DPF2: variants seen among roughly 807,000 people sequenced by gnomAD.
DPF2 encodes the protein zinc finger protein ubi-d4.
DPF2 carries 10 observed loss-of-function variants against 59.6 expected under a neutral mutation model. That is an observed-to-expected ratio of 0.17 (90% CI 0.10 to 0.28). The LOEUF (loss-of-function observed/expected upper bound fraction) is 0.28, where lower values mean the gene tolerates loss of function less well. Among genes scored for constraint, DPF2 ranks in the 10% least tolerant of loss-of-function variants. DPF2 has a pLI of 1.00. For synonymous variants in DPF2, 189 were observed against 190.6 expected (o/e 0.99, Z 0.07); for missense variants, 315 against 509.4 (o/e 0.62, Z 3.67).
rs1196397460 is a variant in DPF2, at chr11:65,337,474, AATATATATATAT to A, written c.33-2891_33-2880del. On this transcript the variant is annotated intron_variant, in intron 1 of 10. Coordinates refer to ENST00000528416, the MANE Select transcript of DPF2 (RefSeq NM_006268.5). ...TCTCAAAAAAAAAAAAAAAAAAAAA[AATATATATATAT>A]ATATATATATATATATATAGAGAGA... Among the ~76,000 whole-genome samples, 286 of 46,458 alleles carry A rather than the reference AATATATATATAT, an allele frequency of 6.2e-3. 10 individuals are homozygous for A. The highest frequency in any genetic ancestry group is 0.013 in the Admixed American group (42 of 3,204). The allele number at this position is 46,458 out of a possible 152,430, so 30.5% of individuals were successfully genotyped here. A position where few individuals can be genotyped will look rare whatever the true frequency, so the allele number is the denominator to read the frequency against.
At chr11:65,351,294 T>G (rs1025342783) in intron 10 of DPF2, among the ~76,000 whole-genome samples, 3 of 152,162 alleles carry the variant, frequency 2.0e-5, no homozygotes, top group African/African-American at 7.2e-5. Context: ...ACCCAATTGT[T>G]TTTCATATAA....
chr11:65,340,427 C>A lies in DPF2; in HGVS notation c.75C>A (p.His25Gln). Residue 25 changes from histidine (H) to glutamine (Q), a missense_variant, in exon 2 of 11, where the codon CAC (histidine) becomes CAA (glutamine). His to Gln is a conservative substitution (Grantham distance 24, BLOSUM62 0). Around this residue, in one of 4 missense-constraint regions of DPF2, gnomAD observed 228 missense variants for 275.3 expected, o/e 0.83. Coordinates refer to ENST00000528416, the MANE Select transcript of DPF2 (RefSeq NM_006268.5). ...ACAAAGATGCCATGGAGCAGTGCCACAATTACAATGCTCGCCTCTGTGCTG... is the reference window on the plus strand; with the variant it reads ...ACAAAGATGCCATGGAGCAGTGCCAAAATTACAATGCTCGCCTCTGTGCTG... ...QYYKDAMEQC[H>Q]NYNARLCAER... The A allele has an allele frequency of 6.2e-7, 1 of 1,614,250 alleles. No individual in the cohort carries two copies.
At chr11:65,337,621 A>ATTTTT in intron 1 of DPF2, among the ~76,000 whole-genome samples, 1 of 148,684 alleles carries the variant, frequency 6.7e-6, no homozygotes, top group South Asian at 2.2e-4. Context: ...TTTTGTTTTA[A>ATTTTT]GAGACAGAGC....
In DPF2 at chr11:65,353,395, T is replaced by G. The variant is rs549208545; in HGVS notation, c.*1636T>G. 9.8e-5 allele frequency: 15 copies of G among 152,290 alleles called. No homozygotes were observed. Among genetic ancestry groups the G allele is most frequent in the African/African-American group, 3.6e-4 (15 of 41,526 alleles). The allele number at this position is 152,290 out of a possible 1,614,324, so 9.4% of individuals were successfully genotyped here. A position where few individuals can be genotyped will look rare whatever the true frequency, so the allele number is the denominator to read the frequency against. On this transcript the variant is annotated 3_prime_UTR_variant, in exon 11 of 11. Coordinates refer to ENST00000528416, the MANE Select transcript of DPF2 (RefSeq NM_006268.5). Reference sequence around the variant, plus strand: ...GACCAGAAGTTTATATAAATATAATTAATAAGCAAACTAATGACATCACCA... The same window carrying G: ...GACCAGAAGTTTATATAAATATAATGAATAAGCAAACTAATGACATCACCA...
intron 1 of DPF2, among the ~76,000 whole-genome samples, chr11:65,337,318 C>T (rs61895422): frequency 0.32 from 48,448 of 149,978 alleles, 8,719 homozygotes; most frequent in Admixed American, 0.42. Flanking sequence ...GGCGTGGTGG[C>T]GCATGCCACT....
At chr11:65,337,543 A>AGAGAGAGAGGGG (rs1449977686) in intron 1 of DPF2, among the ~76,000 whole-genome samples, 11 of 137,486 alleles carry the variant, frequency 8.0e-5, no homozygotes, top group African/African-American at 2.5e-4. Flanking sequence ...AGAGAGAGAG[A>AGAGAGAGAGGGG]GAGAACAATG....
chr11:65,333,878 A>G lies in DPF2; in HGVS notation c.-9A>G, dbSNP rs1411042072. ...GGGCTTCTCGGCCCGAGGCAGAGGA[A>G]CAGGGAAGATGGCGGCTGTGGTGGA... On this transcript the variant is annotated 5_prime_UTR_variant, in exon 1 of 11. Coordinates refer to ENST00000528416, the MANE Select transcript of DPF2 (RefSeq NM_006268.5). 2 of 1,613,724 alleles carry G rather than the reference A, an allele frequency of 1.2e-6. No individual in the cohort carries two copies. Among genetic ancestry groups the G allele is most frequent in the Non-Finnish European group, 1.7e-6 (2 of 1,179,810 alleles).
chr11:65,353,086 C>CT lies in DPF2; in HGVS notation c.*1333dup, dbSNP rs1049197870. On this transcript the variant is annotated 3_prime_UTR_variant, in exon 11 of 11. Coordinates refer to ENST00000528416, the MANE Select transcript of DPF2 (RefSeq NM_006268.5). The stretch of plus-strand genomic sequence containing the variant: ...TTTTTTTTAATGTTTTGAAATACAG[C>CT]TTTTTTCCCCCCAAATTAAAATTTT... 3 of 151,390 alleles carry CT rather than the reference C, an allele frequency of 2.0e-5. No homozygotes were observed. Among genetic ancestry groups the CT allele is most frequent in the South Asian group, 2.1e-4 (1 of 4,816 alleles). 9.4% of individuals were successfully genotyped at this position (151,390 alleles called of 1,614,324 possible).
At chr11:65,334,496 C>T (rs2137677102) in intron 1 of DPF2, among the ~76,000 whole-genome samples, 1 of 152,336 alleles carries the variant, frequency 6.6e-6, no homozygotes, top group South Asian at 2.1e-4. Context: ...AGGGAAGGAA[C>T]TTCAGGGGAG....
chr11:65,340,258 A>T, intron 1 of DPF2, 127 bp from the exon 2 acceptor site: 1 of 1,076,052 alleles, frequency 9.3e-7, no homozygotes, highest in Non-Finnish European at 1.3e-6. Context: ...GGAGGCAAAT[A>T]GAACGGAAGA....
At position 65,337,477 on chromosome 11, in the gene DPF2, AT is replaced by A. The variant is rs1565527357; in HGVS notation, c.33-2907del. Among the ~76,000 whole-genome samples, 200 of 33,850 alleles carry A rather than the reference AT, an allele frequency of 5.9e-3. 1 individual carries two copies. Among genetic ancestry groups the A allele is most frequent in the Non-Finnish European group, 7.7e-3 (152 of 19,642 alleles). The allele number at this position is 33,850 out of a possible 152,430, so 22.2% of individuals were successfully genotyped here. A position where few individuals can be genotyped will look rare whatever the true frequency, so the allele number is the denominator to read the frequency against. ...CAAAAAAAAAAAAAAAAAAAAAAAT[AT>A]ATATATATATATATATATATATATA... On this transcript the variant is annotated intron_variant, in intron 1 of 10. Transcript: ENST00000528416.
chr11:65,351,674 T>C lies in DPF2; in HGVS notation c.1100-9T>C. 2 of 1,614,124 alleles carry C rather than the reference T, an allele frequency of 1.2e-6. No homozygotes were observed. Among genetic ancestry groups the C allele is most frequent in the Non-Finnish European group, 8.5e-7 (1 of 1,179,998 alleles). On this transcript the variant is annotated splice_polypyrimidine_tract_variant and intron_variant, in intron 10 of 10. Transcript: ENST00000528416. ...GGACCCATCCTGACCCCATTTTGCC[T>C]CTCTGCAGGAAGTTGGAGCTGCCAC...
chr11:65,345,427 G>C (rs138937960), intron 6 of DPF2: 4 of 545,572 alleles, frequency 7.3e-6, no homozygotes, highest in African/African-American at 1.9e-5. Flanking sequence ...TGGAAGAGCA[G>C]TGGTGGCCAT....
At chr11:65,340,097 G>A (rs1005660272) in intron 1 of DPF2, among the ~76,000 whole-genome samples, 6 of 152,332 alleles carry the variant, frequency 3.9e-5, no homozygotes, top group African/African-American at 4.8e-5. Context: ...TGTGAGACAC[G>A]TGGAGTGAAC....
In DPF2 at chr11:65,351,794, G is replaced by T; in HGVS notation, c.*35G>T. ...CCACCTGCTCCCCGACATATCTAAG[G>T]CTGTTTCTCTCCTCCACTTCATATT... On this transcript the variant is annotated 3_prime_UTR_variant, in exon 11 of 11. Coordinates refer to ENST00000528416, the MANE Select transcript of DPF2 (RefSeq NM_006268.5). 6.3e-7 allele frequency: 1 copy of T among 1,597,070 alleles called. No homozygotes were observed. Among genetic ancestry groups the T allele is most frequent in the Non-Finnish European group, 8.6e-7 (1 of 1,166,196 alleles).
chr11:65,344,146 T>G, intron 6 of DPF2, 77 bp downstream of exon 6: 1 of 1,474,614 alleles, frequency 6.8e-7, no homozygotes, highest in Non-Finnish European at 9.4e-7. Flanking sequence ...GAGGGAGGGT[T>G]GTGTTTTTGC....
At chr11:65,340,920 C>A (rs377683764) in intron 2 of DPF2, 46 bp from the exon 3 acceptor site, 384 of 1,576,694 alleles carry the variant, frequency 2.4e-4, no homozygotes, top group Non-Finnish European at 3.2e-4. Flanking sequence ...GTATTACTTT[C>A]TAATACTGGG....
intron 5 of DPF2, 48 bp from the exon 6 acceptor site, chr11:65,343,943 T>G: frequency 6.2e-7 from 1 of 1,612,740 alleles, no homozygotes; most frequent in East Asian, 2.2e-5. Context: ...GTCTAACTCC[T>G]CAGGCCCAGC....
intron 1 of DPF2, among the ~76,000 whole-genome samples, chr11:65,337,562 A>C (rs2137685433): frequency 7.6e-6 from 1 of 131,684 alleles, no homozygotes; most frequent in Non-Finnish European, 1.6e-5. Context: ...TGTTAATGTT[A>C]ACTTGACATT....
Sources: gnomAD v4.1 joint callset for allele counts (sites outside exome capture counted in the v4.1 genomes callset) on GRCh38, gnomAD v4.1.1 for gene constraint, gnomAD v4.1.1 regional missense constraint, MANE v1.5 for transcripts, NCBI Gene and HGNC (gene_info 2026-07-23, HGNC 2026-07-21) for gene names.